Variants in MCTP2 observed in about 807,000 individuals in gnomAD.
The protein encoded by MCTP2 is multiple C2 and transmembrane domain-containing protein 2.
In MCTP2, 132 loss-of-function variants were observed where a neutral mutation model predicts 111.6. The observed-to-expected ratio is 1.18, with a 90% CI of 1.03 to 1.37. MCTP2 has a LOEUF of 1.37. Ranked by LOEUF, MCTP2 falls within the 40% of genes most tolerant of loss-of-function variation. The pLI is 0.00. For missense variants in MCTP2, 1,183 were observed against 1,067.9 expected (o/e 1.11, Z -1.50); for synonymous variants, 395 against 387.7 (o/e 1.02, Z -0.22).
chr15:94,296,974 A>G (rs2075303374), intron 1 of MCTP2, among the ~76,000 whole-genome samples: 1 of 152,204 alleles, frequency 6.6e-6, no homozygotes, highest in Admixed American at 6.5e-5. Flanking sequence ...TCTCTGGACC[A>G]TTCTTCACAA....
intron 1 of MCTP2, among the ~76,000 whole-genome samples, chr15:94,253,248 C>T (rs1300859287): frequency 6.6e-6 from 1 of 152,164 alleles, no homozygotes; most frequent in Admixed American, 6.5e-5. Flanking sequence ...TGAACTCCCA[C>T]CTTGAATATC....
intron 14 of MCTP2, among the ~76,000 whole-genome samples, chr15:94,390,108 ATATATG>A (rs1567603391): frequency 0.013 from 451 of 33,502 alleles, 16 homozygotes; most frequent in Middle Eastern, 0.059. Context: ...ATATATATAT[ATATATG>A]TATATATATA....
chr15:94,315,746 A>G, intron 4 of MCTP2, 109 bp downstream of exon 4: 1 of 753,228 alleles, frequency 1.3e-6, no homozygotes, highest in Middle Eastern at 2.3e-4. Flanking sequence ...TTTAGGATAG[A>G]CAGTGGCTCA....
At chr15:94,374,658 C>G (rs1356104719) in intron 12 of MCTP2, among the ~76,000 whole-genome samples, 1 of 152,174 alleles carries the variant, frequency 6.6e-6, no homozygotes, top group Non-Finnish European at 1.5e-5. Flanking sequence ...TAAGAGACTT[C>G]CTTCCCCATA....
chr15:94,474,832 C>T (rs1261823633), intron 21 of MCTP2, among the ~76,000 whole-genome samples: 2 of 150,272 alleles, frequency 1.3e-5, no homozygotes, highest in African/African-American at 2.4e-5. Flanking sequence ...AACATGCAAT[C>T]TGAGTGCCCT....
Position 94,479,789 on chromosome 15 carries a change from T to C in MCTP2, c.*755T>C, listed in dbSNP as rs940503095. 6 of 152,146 alleles carry C rather than the reference T, an allele frequency of 3.9e-5. No homozygotes were observed. The highest frequency in any genetic ancestry group is 1.4e-4 in the African/African-American group (6 of 41,414). 9.4% of individuals were successfully genotyped at this position (152,146 alleles called of 1,614,324 possible). On this transcript the variant is annotated 3_prime_UTR_variant, in exon 23 of 23. Transcript: ENST00000357742. ...ACTTCTTCTCACTTTACTTTTTGCTTATTTTCAAAATATTATAAAATGTCA... is the reference window on the plus strand; with the variant it reads ...ACTTCTTCTCACTTTACTTTTTGCTCATTTTCAAAATATTATAAAATGTCA...
chr15:94,345,484 A>G (rs1409632443), intron 8 of MCTP2, among the ~76,000 whole-genome samples: 1 of 152,204 alleles, frequency 6.6e-6, no homozygotes, highest in Non-Finnish European at 1.5e-5. Flanking sequence ...GTTATTTGCC[A>G]TGAGATGGAA....
chr15:94,441,635 C>T (rs972406144), intron 18 of MCTP2, among the ~76,000 whole-genome samples: 1 of 152,022 alleles, frequency 6.6e-6, no homozygotes, highest in African/African-American at 2.4e-5. Context: ...AAATAATTAC[C>T]TAATTTAGTT....
At chr15:94,401,830 G>C in intron 16 of MCTP2, 70 bp from the exon 17 acceptor site, 1 of 1,225,140 alleles carries the variant, frequency 8.2e-7, no homozygotes, top group Non-Finnish European at 1.1e-6. Context: ...AAATGATCAG[G>C]GTACCTGATC....
chr15:94,359,098 A>T (rs957266051), intron 10 of MCTP2, among the ~76,000 whole-genome samples: 8 of 152,186 alleles, frequency 5.3e-5, no homozygotes, highest in Non-Finnish European at 1.2e-4. Context: ...TGAGACACTC[A>T]CATGTGTAAT....
chr15:94,362,783 A>G (rs1469830578), intron 10 of MCTP2, among the ~76,000 whole-genome samples: 1 of 152,234 alleles, frequency 6.6e-6, no homozygotes, highest in African/African-American at 2.4e-5. Context: ...GTAAAACTTG[A>G]GCAGGTTTGT....
intron 4 of MCTP2, among the ~76,000 whole-genome samples, chr15:94,324,257 A>C (rs2076752590): frequency 6.6e-6 from 1 of 152,234 alleles, no homozygotes; most frequent in Non-Finnish European, 1.5e-5. Flanking sequence ...GTCCTGTGCA[A>C]AATGCTCAGC....
At chr15:94,390,112 A>ATATACG (rs1567603499) in intron 14 of MCTP2, among the ~76,000 whole-genome samples, 1 of 31,604 alleles carries the variant, frequency 3.2e-5, no homozygotes, top group African/African-American at 8.2e-5. Flanking sequence ...ATATATATAT[A>ATATACG]TGTATATATA....
intron 19 of MCTP2, among the ~76,000 whole-genome samples, chr15:94,448,133 A>C (rs978801081): frequency 6.6e-6 from 1 of 152,176 alleles, no homozygotes; most frequent in Non-Finnish European, 1.5e-5. Context: ...CTGGCAAATC[A>C]ACTTGCTTAA....
chr15:94,468,675 C>T, intron 20 of MCTP2, among the ~76,000 whole-genome samples: 1 of 152,090 alleles, frequency 6.6e-6, no homozygotes, highest in Non-Finnish European at 1.5e-5. Flanking sequence ...CACTCTGTTG[C>T]CCAGGCTGGA....
intron 20 of MCTP2, 61 bp from the exon 21 acceptor site, chr15:94,470,272 G>T: frequency 2.5e-6 from 3 of 1,177,286 alleles, no homozygotes; most frequent in Non-Finnish European, 3.8e-6. Context: ...AACATGACAA[G>T]TTGACTCTGT....
intron 8 of MCTP2, among the ~76,000 whole-genome samples, chr15:94,347,330 C>G (rs1195890969): frequency 6.6e-6 from 1 of 152,110 alleles, no homozygotes; most frequent in African/African-American, 2.4e-5. Flanking sequence ...AATAATTTAA[C>G]ATAAAGAAGA....
intron 1 of MCTP2, among the ~76,000 whole-genome samples, chr15:94,236,759 T>C (rs992970888): frequency 9.2e-5 from 14 of 152,128 alleles, no homozygotes; most frequent in Non-Finnish European, 1.5e-4. Context: ...GTCCTTGTAG[T>C]GCAATGTTAT....
At chr15:94,456,731 A>G (rs1266342461) in intron 19 of MCTP2, among the ~76,000 whole-genome samples, 1 of 152,234 alleles carries the variant, frequency 6.6e-6, no homozygotes, top group African/African-American at 2.4e-5. Context: ...GAATGAATGG[A>G]TAAAGGAGTA....
Sources: gnomAD v4.1 joint callset for allele counts (sites outside exome capture counted in the v4.1 genomes callset) on GRCh38, gnomAD v4.1.1 for gene constraint, MANE v1.5 for transcripts, NCBI Gene and HGNC (gene_info 2026-07-23, HGNC 2026-07-21) for gene names.